UIMC1: variants seen among roughly 807,000 people sequenced by gnomAD.
UIMC1 encodes the protein BRCA1-A complex subunit RAP80.
Under a neutral mutation model 84.9 loss-of-function variants are expected in UIMC1, and 42 were observed. The observed-to-expected ratio is 0.49, with a 90% CI of 0.39 to 0.64. The LOEUF is 0.64. Among genes scored for constraint, UIMC1 ranks in the 30% least tolerant of loss-of-function variants. The pLI is 0.00. For synonymous variants in UIMC1, 281 were observed against 293.0 expected, an observed-to-expected ratio of 0.96 and a Z score of 0.42; for missense variants, 825 against 847.6, an observed-to-expected ratio of 0.97 and a Z score of 0.33.
intron 9 of UIMC1, among the ~76,000 whole-genome samples, chr5:176,950,870 CA>C (rs983360231): frequency 6.6e-6 from 1 of 150,644 alleles, no homozygotes; most frequent in Non-Finnish European, 1.5e-5. Context: ...AACTCCATCC[CA>C]AAAAAAAGAA....
chr5:177,015,997 G>A (rs1775660187), intron 1 of UIMC1, among the ~76,000 whole-genome samples: 1 of 152,102 alleles, frequency 6.6e-6, no homozygotes, highest in Non-Finnish European at 1.5e-5. Context: ...AACCCGGGAG[G>A]CTGAGGGTGC....
chr5:176,963,821 A>G (rs1767895099), intron 6 of UIMC1, among the ~76,000 whole-genome samples: 1 of 151,600 alleles, frequency 6.6e-6, no homozygotes, highest in African/African-American at 2.4e-5. Flanking sequence ...CAGTTCTCAC[A>G]ACCCCACACA....
At chr5:176,908,493 G>A (rs1759697181) in intron 12 of UIMC1, 30 bp downstream of exon 12, 5 of 1,592,734 alleles carry the variant, frequency 3.1e-6, no homozygotes, top group East Asian at 4.5e-5. Context: ...GGAGGGTTAG[G>A]TGGCCTTTCC....
chr5:176,972,473 T>G (rs1172634431), intron 3 of UIMC1, among the ~76,000 whole-genome samples: 1 of 147,250 alleles, frequency 6.8e-6, no homozygotes, highest in East Asian at 2.1e-4. Context: ...CGGTGACTCA[T>G]GCCTGTAATC....
At chr5:176,954,700 G>A (rs549711604) in intron 8 of UIMC1, among the ~76,000 whole-genome samples, 11 of 149,666 alleles carry the variant, frequency 7.3e-5, no homozygotes, top group Non-Finnish European at 1.5e-4. Flanking sequence ...TACAGTCAGC[G>A]AGCCATGACT....
At chr5:176,985,330 C>G (rs1247963349) in intron 1 of UIMC1, among the ~76,000 whole-genome samples, 1 of 151,864 alleles carries the variant, frequency 6.6e-6, no homozygotes, top group Non-Finnish European at 1.5e-5. Context: ...GTAGCGCATG[C>G]CTGTAATCCC....
chr5:177,005,224 C>T (rs1354183942), intron 1 of UIMC1, among the ~76,000 whole-genome samples: 2 of 151,966 alleles, frequency 1.3e-5, no homozygotes, highest in African/African-American at 4.8e-5. Context: ...TAGGCAGGCG[C>T]CACCACACTC....
intron 11 of UIMC1, among the ~76,000 whole-genome samples, chr5:176,910,367 T>C (rs932841039): frequency 2.0e-5 from 3 of 152,246 alleles, no homozygotes; most frequent in African/African-American, 7.2e-5. Flanking sequence ...CTATCTTTGA[T>C]GTCCAAGATA....
chr5:177,009,851 A>G (rs1775505439), upstream of UIMC1, among the ~76,000 whole-genome samples: 4 of 152,252 alleles, frequency 2.6e-5, no homozygotes, highest in South Asian at 8.3e-4. The surrounding 1 kb of genome is among the most constrained non-coding windows in gnomAD (Gnocchi z 4.3). Flanking sequence ...TCTGGTCAAC[A>G]TGGCGAAACC....
chr5:177,021,226 CGA>C (rs2149557719), intron 1 of UIMC1, among the ~76,000 whole-genome samples: 1 of 152,152 alleles, frequency 6.6e-6, no homozygotes, highest in African/African-American at 2.4e-5. Context: ...TGCAGTGAGC[CGA>C]GATCGCGTCA....
chr5:176,998,775 A>C (rs1774015619), intron 1 of UIMC1, among the ~76,000 whole-genome samples: 1 of 152,164 alleles, frequency 6.6e-6, no homozygotes, highest in African/African-American at 2.4e-5. Context: ...CTCAAAAAAA[A>C]CAAAAACAAA....
At chr5:177,009,634 TAAATA>T (rs1373435544), upstream of UIMC1, among the ~76,000 whole-genome samples, 1 of 152,042 alleles carries the variant, frequency 6.6e-6, no homozygotes, top group African/African-American at 2.4e-5. This position sits in a 1 kb window ranked among gnomAD's most constrained non-coding sequence, Gnocchi z 4.3. Flanking sequence ...AATGAAAAAC[TAAATA>T]AAATAAATGA....
At chr5:177,011,489 G>C (rs533273197), upstream of UIMC1, among the ~76,000 whole-genome samples, 246 of 152,152 alleles carry the variant, frequency 1.6e-3, no homozygotes, top group African/African-American at 5.7e-3. Flanking sequence ...AGGCTAAGAT[G>C]GGAGGATCCC....
At chr5:177,021,038 G>A (rs547299042) in intron 1 of UIMC1, among the ~76,000 whole-genome samples, 20 of 152,058 alleles carry the variant, frequency 1.3e-4, no homozygotes, top group Non-Finnish European at 2.2e-4. Flanking sequence ...TCAGCATTTT[G>A]GGAGCCCGAG....
At chr5:177,018,988 C>T (rs1775731288) in intron 1 of UIMC1, among the ~76,000 whole-genome samples, 1 of 152,132 alleles carries the variant, frequency 6.6e-6, no homozygotes, top group African/African-American at 2.4e-5. Context: ...CCCTGAATAA[C>T]TTATGCTATA....
intron 1 of UIMC1, among the ~76,000 whole-genome samples, chr5:177,003,296 A>C (rs1180805404): frequency 6.6e-6 from 1 of 152,146 alleles, no homozygotes; most frequent in Non-Finnish European, 1.5e-5. Context: ...CAGAATTCAA[A>C]CATACTTTGA....
intron 1 of UIMC1, among the ~76,000 whole-genome samples, chr5:176,987,977 G>A (rs1164156497): frequency 6.6e-6 from 1 of 151,662 alleles, no homozygotes; most frequent in Non-Finnish European, 1.5e-5. Context: ...AATACGAAAT[G>A]TAGCCAGATG....
At position 176,959,756 on chromosome 5, in the gene UIMC1, G is replaced by GCGCGGTGGCTCACGC. The variant is rs1197993996; in HGVS notation, c.1201-1617_1201-1603dup. ...AAAAAAATTATTGTGCTTTGGCCAG[G>GCGCGGTGGCTCACGC]CGCGGTGGCTCACGCCTGTAATCCC... On this transcript the variant is annotated intron_variant, in intron 6 of 14. Coordinates refer to ENST00000511320, the MANE Select transcript of UIMC1 (RefSeq NM_001199298.2). Among the ~76,000 whole-genome samples the GCGCGGTGGCTCACGC allele has an allele frequency of 1.4e-4, 21 of 151,678 alleles. No homozygotes were observed. The East Asian group carries it at 2.1e-3, about 15-fold the overall frequency.
intron 9 of UIMC1, among the ~76,000 whole-genome samples, chr5:176,947,748 G>T (rs1366100413): frequency 6.6e-6 from 1 of 151,788 alleles, no homozygotes; most frequent in Non-Finnish European, 1.5e-5. Flanking sequence ...AACCCGGGAG[G>T]TGGAGCTTGC....
Sources: gnomAD v4.1 joint callset for allele counts (sites outside exome capture counted in the v4.1 genomes callset) on GRCh38, gnomAD v4.1.1 for gene constraint, Gnocchi (gnomAD v3.1) non-coding constraint, MANE v1.5 for transcripts, NCBI Gene and HGNC (gene_info 2026-07-23, HGNC 2026-07-21) for gene names.